HACE1: variants seen among roughly 807,000 people sequenced by gnomAD.
The protein encoded by HACE1 is E3 ubiquitin-protein ligase HACE1.
Under a neutral mutation model 118.4 loss-of-function variants are expected in HACE1, and 73 were observed. The ratio of observed to expected loss-of-function variants is 0.62; its 90% CI spans 0.51 to 0.75. The LOEUF is 0.75. HACE1 is among the 30% of genes least tolerant of loss of function. HACE1 has a pLI of 0.00. For missense variants in HACE1, 749 were observed against 1,102.2 expected (o/e 0.68, Z 4.54); for synonymous variants, 368 against 374.8 (o/e 0.98, Z 0.21).
At position 104,729,657 on chromosome 6, in the gene HACE1, C is replaced by G; in HGVS notation, c.*5G>C. 1 of 1,347,242 alleles carries G rather than the reference C, an allele frequency of 7.4e-7. No homozygotes were observed. Among genetic ancestry groups the G allele is most frequent in the Non-Finnish European group, 1.1e-6 (1 of 936,346 alleles). 83.5% of individuals were successfully genotyped at this position (1,347,242 alleles called of 1,614,324 possible). On this transcript the variant is annotated 3_prime_UTR_variant, in exon 24 of 24. Transcript: ENST00000262903. ...TCAGTAGTCAGAGGAGTTTTCCAGA[C>G]TTCATTATGCCATTGTGTAACCATA...
chr6:104,784,005 A>G (rs963951837), intron 14 of HACE1, 81 bp downstream of exon 14: 2 of 774,590 alleles, frequency 2.6e-6, no homozygotes, highest in Non-Finnish European at 4.6e-6. Flanking sequence ...CTGAAGTGTA[A>G]TAATTATTCC....
At chr6:104,770,580 A>C (rs987621575) in intron 19 of HACE1, among the ~76,000 whole-genome samples, 3 of 152,006 alleles carry the variant, frequency 2.0e-5, no homozygotes, top group African/African-American at 7.2e-5. Flanking sequence ...TTATCTGGGC[A>C]TGGTGGCGCA....
chr6:104,822,376 C>G (rs1235431414), intron 6 of HACE1, among the ~76,000 whole-genome samples: 2 of 144,324 alleles, frequency 1.4e-5, no homozygotes, highest in Non-Finnish European at 3.0e-5. Context: ...GAGCAGGACT[C>G]CATCTCAGAA....
intron 7 of HACE1, among the ~76,000 whole-genome samples, chr6:104,799,530 G>C (rs1054827450): frequency 2.0e-5 from 3 of 152,050 alleles, no homozygotes; most frequent in East Asian, 1.9e-4. Context: ...TTTTTTCTAA[G>C]ATTTTTATTT....
chr6:104,746,034 C>T (rs1777392971), intron 20 of HACE1, among the ~76,000 whole-genome samples: 1 of 152,192 alleles, frequency 6.6e-6, no homozygotes, highest in Non-Finnish European at 1.5e-5. Flanking sequence ...CTAAGCTAGA[C>T]ATTAAAGAAA....
rs546814888 is a variant in HACE1, at chr6:104,796,373, G to A, written c.816+282C>T. 2.0e-5 allele frequency among the ~76,000 whole-genome samples: 3 copies of A among 152,244 alleles called. No individual in the cohort carries two copies. The South Asian group carries it at 6.2e-4, about 32-fold the overall frequency. ...AATCCACCCACCTCAGCCTCCCAAA[G>A]TGCTGGAATTACAGGCGTGAGATAC... On this transcript the variant is annotated intron_variant, in intron 9 of 23. Transcript: ENST00000262903.
chr6:104,818,928 G>C (rs1772400793), intron 6 of HACE1, among the ~76,000 whole-genome samples: 2 of 151,890 alleles, frequency 1.3e-5, no homozygotes, highest in Non-Finnish European at 2.9e-5. Context: ...CTCACAGCCA[G>C]TATCATAATG....
rs748901937 is a variant in HACE1 at position 104,785,171 on chromosome 6, A to T, written c.1223T>A (p.Phe408Tyr). 6.2e-7 allele frequency: 1 copy of T among 1,613,904 alleles called. No individual in the cohort carries two copies. Residue 408 changes from phenylalanine to tyrosine, a missense_variant, in exon 12 of 24, where the codon TTT (phenylalanine) becomes TAT (tyrosine). This residue lies in a region of HACE1 where 267 missense variants were observed against 312.2 expected (regional missense o/e 0.86). Coordinates refer to ENST00000262903, the MANE Select transcript of HACE1 (RefSeq NM_020771.4). ...QDQDAASIPP[F>Y]EPPGPGSYEN... ...ATAGCTCCCAGGTCCTGGAGGTTCA[A>T]ATGGAGGAATGGAAGCAGCATCTTG...
At chr6:104,771,723 CTAACT>C (rs1158610527) in intron 18 of HACE1, among the ~76,000 whole-genome samples, 197 bp downstream of exon 18, 1 of 141,282 alleles carries the variant, frequency 7.1e-6, no homozygotes. Context: ...AAAAAAAAGG[CTAACT>C]TAACTAGAGG....
At chr6:104,810,991 T>C (rs764834135) in intron 7 of HACE1, among the ~76,000 whole-genome samples, 20 of 151,570 alleles carry the variant, frequency 1.3e-4, no homozygotes, top group Admixed American at 2.6e-4. Flanking sequence ...AGTCTAAAAT[T>C]GAAGTAATCA....
intron 19 of HACE1, among the ~76,000 whole-genome samples, chr6:104,756,545 A>G (rs1778707030): frequency 6.6e-6 from 1 of 152,098 alleles, no homozygotes; most frequent in African/African-American, 2.4e-5. Flanking sequence ...AGACAAATTC[A>G]GTCATTGAAA....
At chr6:104,799,064 C>T (rs7451298) in intron 7 of HACE1, among the ~76,000 whole-genome samples, 26,686 of 152,062 alleles carry the variant, frequency 0.18, 2,540 homozygotes, top group African/African-American at 0.25. Context: ...TTAAAGACAA[C>T]GCTGCACTCT....
chr6:104,853,844 T>A (rs1776469613), intron 1 of HACE1, among the ~76,000 whole-genome samples: 1 of 152,182 alleles, frequency 6.6e-6, no homozygotes, highest in Admixed American at 6.5e-5. Context: ...CCCGAGTCAA[T>A]GCCTAAAACC....
At chr6:104,774,077 T>C (rs1179513022) in intron 17 of HACE1, among the ~76,000 whole-genome samples, 1 of 134,446 alleles carries the variant, frequency 7.4e-6, no homozygotes, top group Non-Finnish European at 1.5e-5. Flanking sequence ...TATCATCTTT[T>C]CTCTTTTTTT....
Position 104,729,695 on chromosome 6 carries a change from T to C in HACE1, c.2697A>G (p.Leu899=). 6.4e-7 allele frequency: 1 copy of C among 1,573,690 alleles called. No homozygotes were observed. The highest frequency in any genetic ancestry group is 8.7e-7 in the Non-Finnish European group (1 of 1,143,246). ...EILKDRLLVA[L]HCGSYGYTMA is the part of the protein sequence containing the mutation. The stretch of plus-strand genomic sequence containing the variant: ...TTGTGTAACCATAGCTGCCACAATG[T>C]AGTGCCACAAGAAGTCTGTCCTTGA... The change falls in exon 24 of 24, where the codon CTA becomes CTG. Residue 899 remains leucine, a synonymous_variant. Transcript: ENST00000262903.
At chr6:104,857,717 G>C (rs1471315604) in intron 1 of HACE1, among the ~76,000 whole-genome samples, 2 of 151,546 alleles carry the variant, frequency 1.3e-5, no homozygotes, top group African/African-American at 4.8e-5. Context: ...CAGCACTTTG[G>C]GAGGCCGAGG....
At chr6:104,833,600 T>C (rs1285447125) in intron 5 of HACE1, among the ~76,000 whole-genome samples, 1 of 152,126 alleles carries the variant, frequency 6.6e-6, no homozygotes, top group Non-Finnish European at 1.5e-5. Flanking sequence ...TCCCAGCACT[T>C]TGGGAAGTTG....
chr6:104,826,931 C>T (rs753527207), intron 6 of HACE1, among the ~76,000 whole-genome samples: 6 of 152,024 alleles, frequency 3.9e-5, no homozygotes, highest in Admixed American at 1.3e-4. Context: ...GAAACTATTG[C>T]GGAGGAACCG....
At position 104,729,613 on chromosome 6, in the gene HACE1, T is replaced by C. The variant is rs1401700396; in HGVS notation, c.*49A>G. ...TGTTGACATTTTCCCAAATTACTTC[T>C]GCCATTCTGAATTGTGCATCAGTAG... On this transcript the variant is annotated 3_prime_UTR_variant, in exon 24 of 24. Transcript: ENST00000262903. The C allele has an allele frequency of 2.2e-6, 2 of 916,274 alleles. No homozygotes were observed. Among genetic ancestry groups the C allele is most frequent in the Non-Finnish European group, 3.7e-6 (2 of 543,914 alleles). 56.8% of individuals were successfully genotyped at this position (916,274 alleles called of 1,614,324 possible).
Sources: allele counts gnomAD v4.1 joint callset (sites outside exome capture counted in the v4.1 genomes callset), GRCh38; gene constraint gnomAD v4.1.1; regional missense constraint gnomAD v4.1.1; transcripts MANE v1.5; gene names NCBI Gene and HGNC (gene_info 2026-07-23, HGNC 2026-07-21).